The following FMN1 variants were observed in gnomAD, a reference collection of about 807,000 sequenced individuals.
The protein encoded by FMN1 is formin 1, also known as formin-1.
Under a neutral mutation model 132.4 loss-of-function variants are expected in FMN1, and 110 were observed. The ratio of observed to expected loss-of-function variants is 0.83; its 90% CI spans 0.71 to 0.97. FMN1 has a LOEUF of 0.97. Among genes scored for constraint, FMN1 ranks in the 50% least tolerant of loss-of-function variants. FMN1 has a pLI of 0.00. For synonymous variants in FMN1, 722 were observed against 651.7 expected, an observed-to-expected ratio of 1.11 and a Z score of -1.64; for missense variants, 1,792 against 1,705.3, an observed-to-expected ratio of 1.05 and a Z score of -0.90.
At chr15:33,113,036 G>A (rs1050324171) in intron 4 of FMN1, among the ~76,000 whole-genome samples, 2 of 152,084 alleles carry the variant, frequency 1.3e-5, no homozygotes, top group Non-Finnish European at 2.9e-5. Context: ...TCAGTGTGGC[G>A]GAACAAAAGA....
chr15:32,828,035 G>C (rs1214298218), intron 17 of FMN1, among the ~76,000 whole-genome samples: 1 of 152,214 alleles, frequency 6.6e-6, no homozygotes, highest in African/African-American at 2.4e-5. Flanking sequence ...GCTCATGCCT[G>C]TAATCCCAGC....
chr15:32,966,035 G>C lies in FMN1; in HGVS notation c.2988-1778C>G, dbSNP rs76835249. The stretch of plus-strand genomic sequence containing the variant: ...AAGGAAGTCAGCTGGGAATTCTGGA[G>C]TGAGCATGCGGCATGTTAAGGGCCA... On this transcript the variant is annotated intron_variant, in intron 8 of 20. Coordinates refer to ENST00000616417, the MANE Select transcript of FMN1 (RefSeq NM_001277313.2). Among the ~76,000 whole-genome samples the C allele has an allele frequency of 2.8e-3, 419 of 152,232 alleles. 1 individual carries two copies. The highest frequency in any genetic ancestry group is 9.9e-3 in the African/African-American group (410 of 41,544).
chr15:33,187,213 C>G (rs1965917462), intron 2 of FMN1, among the ~76,000 whole-genome samples: 1 of 152,124 alleles, frequency 6.6e-6, no homozygotes, highest in South Asian at 2.1e-4. Flanking sequence ...CCCACTAAGG[C>G]AGGTATTAGA....
At chr15:32,938,850 T>A (rs2061337830) in intron 9 of FMN1, among the ~76,000 whole-genome samples, 1 of 152,248 alleles carries the variant, frequency 6.6e-6, no homozygotes, top group African/African-American at 2.4e-5. Context: ...TCACATCTTA[T>A]GAATTGTCTT....
intron 17 of FMN1, among the ~76,000 whole-genome samples, chr15:32,827,065 T>C (rs755760836): frequency 1.2e-4 from 18 of 152,332 alleles, no homozygotes; most frequent in Middle Eastern, 3.4e-3. Context: ...GCGTTTATTT[T>C]TATAGCTCCC....
intron 9 of FMN1, among the ~76,000 whole-genome samples, chr15:32,935,258 T>TAA (rs2061236537): frequency 1.3e-5 from 2 of 152,124 alleles, no homozygotes; most frequent in African/African-American, 4.8e-5. Context: ...TCTTACTTGG[T>TAA]AATTTTCTTT....
At chr15:32,998,321 T>G (rs1426348380) in intron 7 of FMN1, among the ~76,000 whole-genome samples, 2 of 152,200 alleles carry the variant, frequency 1.3e-5, no homozygotes, top group East Asian at 3.8e-4. Flanking sequence ...ATTTATTCAA[T>G]TTCAGCTAGT....
intron 17 of FMN1, among the ~76,000 whole-genome samples, chr15:32,849,608 T>C (rs918394157): frequency 6.6e-6 from 1 of 151,976 alleles, no homozygotes; most frequent in African/African-American, 2.4e-5. Flanking sequence ...AAATCCCCTC[T>C]AGCCCTTTTA....
rs1426915744 is a variant in FMN1, at chr15:32,776,843, CA to C, written c.4206del (p.Ala1403LeufsTer3). 4 of 1,575,264 alleles carry C rather than the reference CA, an allele frequency of 2.5e-6. No homozygotes were observed. The highest frequency in any genetic ancestry group is 3.5e-6 in the Non-Finnish European group (4 of 1,152,298). On this transcript the variant is annotated frameshift_variant, in exon 20 of 21. Transcript: ENST00000616417. LOFTEE classifies it high-confidence loss of function. ...KKVETKKINP[T>X]ASLKERLRQK... ...TGAAAAATATATCTCACCAGGCTAG[CA>C]GTGGGATTGATTTTCTTTGTCTCCA... is the stretch of plus-strand genomic sequence containing the variant.
intron 7 of FMN1, among the ~76,000 whole-genome samples, chr15:33,006,450 G>A (rs1262360482): frequency 6.6e-6 from 1 of 152,146 alleles, no homozygotes; most frequent in Non-Finnish European, 1.5e-5. Context: ...TGGTAGGAAT[G>A]TAAACTAGTT....
At chr15:32,886,040 G>C (rs2059888302) in intron 16 of FMN1, among the ~76,000 whole-genome samples, 1 of 145,982 alleles carries the variant, frequency 6.9e-6, no homozygotes, top group Admixed American at 6.8e-5. Context: ...AGGCCTTATG[G>C]AAAAGGAGGT....
At chr15:32,919,661 T>C (rs575945517) in intron 10 of FMN1, among the ~76,000 whole-genome samples, 54 of 152,312 alleles carry the variant, frequency 3.5e-4, no homozygotes, top group African/African-American at 1.2e-3. Flanking sequence ...CTCAAACTTT[T>C]TACTGTTGGG....
At chr15:32,856,510 A>G (rs1222819503) in intron 17 of FMN1, among the ~76,000 whole-genome samples, 1 of 152,252 alleles carries the variant, frequency 6.6e-6, no homozygotes, top group Non-Finnish European at 1.5e-5. Context: ...CAGAGGGCTG[A>G]TAGGTAGCAA....
intron 7 of FMN1, among the ~76,000 whole-genome samples, chr15:32,998,788 T>C (rs990438380): frequency 9.2e-5 from 14 of 152,252 alleles, no homozygotes; most frequent in Non-Finnish European, 1.9e-4. Flanking sequence ...TGAAGGCTGA[T>C]GGTGCATGAA....
intron 3 of FMN1, among the ~76,000 whole-genome samples, chr15:33,164,042 C>A (rs1321675375): frequency 6.6e-6 from 1 of 151,946 alleles, no homozygotes; most frequent in African/African-American, 2.4e-5. Flanking sequence ...AAAAAAGGCA[C>A]CAGAGGAAGA....
At chr15:32,991,369 C>T (rs375933256) in intron 7 of FMN1, among the ~76,000 whole-genome samples, 19 of 152,278 alleles carry the variant, frequency 1.2e-4, no homozygotes, top group Admixed American at 3.3e-4. Flanking sequence ...TTTCCTGCAC[C>T]ATCTACATCT....
intron 12 of FMN1, 33 bp downstream of exon 12, chr15:32,908,457 T>G: frequency 7.0e-7 from 1 of 1,428,042 alleles, no homozygotes; most frequent in Non-Finnish European, 9.9e-7. Context: ...AGTTCTCCTT[T>G]TGGCCTAACA....
intron 4 of FMN1, among the ~76,000 whole-genome samples, chr15:33,123,763 G>GTA (rs1256669531): frequency 2.0e-5 from 3 of 152,098 alleles, no homozygotes; most frequent in Non-Finnish European, 4.4e-5. Flanking sequence ...GCTCCACTAC[G>GTA]TAAAGTTTCT....
At chr15:33,161,369 C>T (rs1964882418) in intron 3 of FMN1, among the ~76,000 whole-genome samples, 1 of 151,526 alleles carries the variant, frequency 6.6e-6, no homozygotes, top group Admixed American at 6.6e-5. Flanking sequence ...ACCTTTATCC[C>T]CTGACTCCCT....
Sources: gnomAD v4.1 joint callset for allele counts (sites outside exome capture counted in the v4.1 genomes callset) on GRCh38, gnomAD v4.1.1 for gene constraint, MANE v1.5 for transcripts, NCBI Gene and HGNC (gene_info 2026-07-23, HGNC 2026-07-21) for gene names.